Variants in ALOX5AP observed in about 807,000 individuals in gnomAD.
ALOX5AP encodes the protein arachidonate 5-lipoxygenase activating protein.
A neutral mutation model predicts 18.5 loss-of-function variants in ALOX5AP; 9 were observed. The ratio of observed to expected loss-of-function variants is 0.49; its 90% confidence interval spans 0.29 to 0.85. ALOX5AP has a LOEUF of 0.85. ALOX5AP is among the 40% of genes least tolerant of loss of function. The pLI, the probability that ALOX5AP is intolerant of heterozygous loss-of-function variation, is 0.08. For synonymous variants in ALOX5AP, 81 were observed against 78.6 expected (o/e 1.03, Z -0.16); for missense variants, 172 against 202.5 (o/e 0.85, Z 0.91).
At chr13:30,715,158 G>A (rs1951540028) in intron 1 of ALOX5AP, among the ~76,000 whole-genome samples, 1 of 152,132 alleles carries the variant, frequency 6.6e-6, no homozygotes, top group African/African-American at 2.4e-5. Flanking sequence ...TGGCAGCCTG[G>A]CTTTGAGAAC....
rs534641210 is a variant in ALOX5AP, at chr13:30,720,780, T to C, written c.116+6939T>C. Among the ~76,000 whole-genome samples the C allele has an allele frequency of 2.0e-5, 3 of 152,340 alleles. No individual in the cohort carries two copies. In the South Asian group the frequency reaches 6.2e-4, roughly 32 times the overall value. ...AATGCCCAGTCATTTAATCTGAATA[T>C]CCTATTTCCTTGCATGTTGCAAAAT... On this transcript the variant is annotated intron_variant, in intron 1 of 5. Coordinates refer to the ALOX5AP transcript ENST00000617770.
At position 30,755,933 on chromosome 13, in the gene ALOX5AP, T is replaced by A. The variant is rs1439960798; in HGVS notation, c.242-11T>A. The A allele has an allele frequency of 1.2e-6, 2 of 1,613,732 alleles. No homozygotes were observed. Among genetic ancestry groups the A allele is most frequent in the African/African-American group, 2.7e-5 (2 of 74,922 alleles). On this transcript the variant is annotated splice_polypyrimidine_tract_variant and intron_variant, in intron 3 of 4. Coordinates refer to ENST00000380490, the MANE Select transcript of ALOX5AP (RefSeq NM_001629.4). ...CGAAACTGACACAGGTGTTTTCATTTCTCCACTTAGTTCCTGCTGCGTTTG... is the reference window on the plus strand; with the variant it reads ...CGAAACTGACACAGGTGTTTTCATTACTCCACTTAGTTCCTGCTGCGTTTG...
chr13:30,713,871 T>C, intron 1 of ALOX5AP: 1 of 1,522,790 alleles, frequency 6.6e-7, no homozygotes, highest in Non-Finnish European at 8.8e-7. Context: ...CACACGCGCA[T>C]GTGTGTGCAT....
chr13:30,716,875 C>T (rs914569830), intron 1 of ALOX5AP, among the ~76,000 whole-genome samples: 1 of 152,236 alleles, frequency 6.6e-6, no homozygotes, highest in Non-Finnish European at 1.5e-5. Context: ...GCACACAGCA[C>T]AGAGTCCAGG....
chr13:30,741,056 T>A (rs1441157459), intron 1 of ALOX5AP, among the ~76,000 whole-genome samples: 1 of 145,920 alleles, frequency 6.9e-6, no homozygotes, highest in Non-Finnish European at 1.5e-5. Context: ...GTCCCTGATA[T>A]AAAATGGCAT....
intron 2 of ALOX5AP, among the ~76,000 whole-genome samples, chr13:30,746,686 A>G (rs1377028206): frequency 6.6e-6 from 1 of 152,252 alleles, no homozygotes; most frequent in Non-Finnish European, 1.5e-5. Flanking sequence ...AAGGGTTGCA[A>G]GATGACCCAT....
intron 1 of ALOX5AP, among the ~76,000 whole-genome samples, chr13:30,715,391 A>G (rs1951542343): frequency 6.6e-6 from 1 of 152,204 alleles, no homozygotes; most frequent in Non-Finnish European, 1.5e-5. Flanking sequence ...CTTTGGGAGT[A>G]TAGTTCTGCC....
At chr13:30,746,162 T>C (rs964994016) in intron 2 of ALOX5AP, among the ~76,000 whole-genome samples, 3 of 152,242 alleles carry the variant, frequency 2.0e-5, no homozygotes, top group Non-Finnish European at 4.4e-5. Flanking sequence ...TTGGTGGCTA[T>C]GCTGTGTCAC....
intron 2 of ALOX5AP, among the ~76,000 whole-genome samples, chr13:30,745,368 G>A (rs1039235579): frequency 1.3e-5 from 2 of 152,168 alleles, no homozygotes; most frequent in African/African-American, 4.8e-5. Context: ...GTAGTCACAG[G>A]TTGATTGCCT....
At chr13:30,751,773 C>A (rs887147731) in intron 2 of ALOX5AP, among the ~76,000 whole-genome samples, 1 of 152,190 alleles carries the variant, frequency 6.6e-6, no homozygotes, top group Non-Finnish European at 1.5e-5. Context: ...GAACAGGAAC[C>A]CTGCCAGAGG....
intron 4 of ALOX5AP, among the ~76,000 whole-genome samples, chr13:30,762,601 GA>G (rs1317791688): frequency 6.7e-6 from 1 of 149,806 alleles, no homozygotes; most frequent in Non-Finnish European, 1.5e-5. Context: ...AAAAAAAAAA[GA>G]AAAGAAAAAG....
At chr13:30,742,869 C>G (rs1472682663) in intron 1 of ALOX5AP, among the ~76,000 whole-genome samples, 5 of 121,300 alleles carry the variant, frequency 4.1e-5, no homozygotes, top group South Asian at 6.2e-4. Context: ...GCCCCCCCCC[C>G]ACCCCCCATC....
At chr13:30,720,415 G>A (rs77829553) in intron 1 of ALOX5AP, among the ~76,000 whole-genome samples, 3,732 of 152,210 alleles carry the variant, frequency 0.025, 83 homozygotes, top group Middle Eastern at 0.065. Flanking sequence ...CTTTTAAATA[G>A]ACTTAATACA....
chr13:30,717,522 C>T (rs762129500), intron 1 of ALOX5AP, among the ~76,000 whole-genome samples: 27 of 152,316 alleles, frequency 1.8e-4, no homozygotes, highest in South Asian at 6.2e-4. Flanking sequence ...CCAACCACTC[C>T]GCTCTTTGGG....
intron 1 of ALOX5AP, among the ~76,000 whole-genome samples, chr13:30,724,825 A>G (rs17222870): frequency 0.13 from 20,126 of 152,194 alleles, 1,350 homozygotes; most frequent in South Asian, 0.21. Context: ...ATTGGGCCCA[A>G]GTAGGTCCTG....
intron 1 of ALOX5AP, among the ~76,000 whole-genome samples, chr13:30,728,145 G>A (rs1358893976): frequency 1.3e-5 from 2 of 152,130 alleles, no homozygotes; most frequent in Non-Finnish European, 2.9e-5. Context: ...AGACAGAAAC[G>A]CCAAGGGAGA....
chr13:30,758,542 C>G (rs746095744), intron 4 of ALOX5AP, among the ~76,000 whole-genome samples: 3 of 152,174 alleles, frequency 2.0e-5, no homozygotes, highest in Non-Finnish European at 2.9e-5. Context: ...GGAAGACATT[C>G]CATAATGAAT....
chr13:30,738,240 A>G (rs1951735983), intron 1 of ALOX5AP, among the ~76,000 whole-genome samples: 1 of 152,198 alleles, frequency 6.6e-6, no homozygotes, highest in Non-Finnish European at 1.5e-5. Flanking sequence ...CACCTGGTGC[A>G]ATGTCCTCCT....
intron 1 of ALOX5AP, among the ~76,000 whole-genome samples, chr13:30,718,160 T>C (rs1219199619): frequency 2.0e-5 from 3 of 151,740 alleles, no homozygotes; most frequent in African/African-American, 4.8e-5. Flanking sequence ...GGTTTCTCCA[T>C]GTTGGTCAGG....
Sources: gnomAD v4.1 joint callset for allele counts (sites outside exome capture counted in the v4.1 genomes callset) on GRCh38, gnomAD v4.1.1 for gene constraint, MANE v1.5 for transcripts, NCBI Gene and HGNC (gene_info 2026-07-23, HGNC 2026-07-21) for gene names.